The following CCNY variants were observed in gnomAD, a reference collection of about 807,000 sequenced individuals.
CCNY encodes the protein cyclin Y, also known as cyclin-Y.
Under a neutral mutation model 42.8 loss-of-function variants are expected in CCNY, and 19 were observed. The observed-to-expected ratio is 0.44, with a 90% CI of 0.31 to 0.65. CCNY has a LOEUF of 0.65. CCNY is among the 30% of genes least tolerant of loss of function. The probability of loss-of-function intolerance (pLI) is 0.07; values close to 1 mark genes in which losing one functional copy is unlikely to be tolerated. For synonymous variants in CCNY, 165 were observed against 162.7 expected (o/e 1.01, Z -0.11); for missense variants, 370 against 437.3 (o/e 0.85, Z 1.37).
At chr10:35,291,382 G>C (rs1835411602) in intron 3 of CCNY, among the ~76,000 whole-genome samples, 2 of 151,994 alleles carry the variant, frequency 1.3e-5, no homozygotes, top group African/African-American at 4.8e-5. Flanking sequence ...AGCATTATTA[G>C]TACATTATTT....
At chr10:35,308,667 G>C (rs1446469722) in intron 3 of CCNY, among the ~76,000 whole-genome samples, 1 of 152,130 alleles carries the variant, frequency 6.6e-6, no homozygotes, top group Non-Finnish European at 1.5e-5. Flanking sequence ...GCATCTGTGG[G>C]GGAGCCTGAG....
chr10:35,569,084 A>G lies in CCNY; in HGVS notation c.940A>G (p.Lys314Glu), dbSNP rs761914460. ...CTCTCGCCTCTGCGAGGACAAGTAC[A>G]AGGACCTAAGAAGATCCGCGAGGAA... is the stretch of plus-strand genomic sequence containing the variant. ...AISRLCEDKY[K>E]DLRRSARKRS... Residue 314 changes from lysine (K) to glutamate (E), a missense_variant, in exon 10 of 10, where the codon AAG becomes GAG. By Grantham distance (56) the Lys-to-Glu change is moderately conservative. Around this residue, in one of 2 missense-constraint regions of CCNY, gnomAD observed 234 missense variants for 313.1 expected, o/e 0.75. Transcript: ENST00000374704. 6.2e-6 allele frequency: 10 copies of G among 1,613,202 alleles called. No individual in the cohort carries two copies. The highest frequency in any genetic ancestry group is 1.6e-4 in the Middle Eastern group (1 of 6,062).
chr10:35,501,025 G>T lies in CCNY; in HGVS notation c.230-476G>T, dbSNP rs185831331. 6.6e-5 allele frequency among the ~76,000 whole-genome samples: 10 copies of T among 152,290 alleles called. No individual in the cohort carries two copies. The East Asian group carries it at 1.9e-3, about 29-fold the overall frequency. Reference sequence around the variant, plus strand: ...AGCATGGAGAATAATGGGTTTCCATGATAAGTAATGCTGCTGATGTACATC... The same window carrying T: ...AGCATGGAGAATAATGGGTTTCCATTATAAGTAATGCTGCTGATGTACATC... On this transcript the variant is annotated intron_variant, in intron 2 of 9. Coordinates refer to ENST00000374704, the MANE Select transcript of CCNY (RefSeq NM_145012.6).
intron 3 of CCNY, among the ~76,000 whole-genome samples, chr10:35,309,798 CTTAT>C (rs1050780203): frequency 4.6e-5 from 7 of 151,732 alleles, no homozygotes; most frequent in Non-Finnish European, 7.4e-5. Context: ...GTGTTATTTA[CTTAT>C]TTATTTATTT....
intron 8 of CCNY, among the ~76,000 whole-genome samples, chr10:35,562,786 C>A (rs1841491971): frequency 6.6e-6 from 1 of 152,058 alleles, no homozygotes; most frequent in South Asian, 2.1e-4. Flanking sequence ...TATGCAGATA[C>A]CTTTTCAAGA....
At chr10:35,449,273 A>G (rs1339507094) in intron 1 of CCNY, among the ~76,000 whole-genome samples, 2 of 71,416 alleles carry the variant, frequency 2.8e-5, no homozygotes, top group African/African-American at 1.1e-4. Flanking sequence ...GAGGAGGGGC[A>G]GAGATAGGGG....
At chr10:35,317,815 C>A (rs898959112) in intron 3 of CCNY, among the ~76,000 whole-genome samples, 1 of 152,060 alleles carries the variant, frequency 6.6e-6, no homozygotes, top group Non-Finnish European at 1.5e-5. Flanking sequence ...TAGGTGAGCA[C>A]CGTTTGGAGG....
chr10:35,359,201 G>C (rs1219694177), intron 1 of CCNY, among the ~76,000 whole-genome samples: 1 of 152,152 alleles, frequency 6.6e-6, no homozygotes, highest in Non-Finnish European at 1.5e-5. Context: ...CTCCCCAGCT[G>C]TTTTGCCTCC....
Position 35,405,523 on chromosome 10 carries a change from G to A in CCNY, c.154+68316G>A, listed in dbSNP as rs1475204674. On this transcript the variant is annotated intron_variant, in intron 1 of 9. Coordinates refer to ENST00000374704, the MANE Select transcript of CCNY (RefSeq NM_145012.6). The stretch of plus-strand genomic sequence containing the variant: ...CCGGGCAGGTGGGGATAACTAAAAA[G>A]GAGTGCATAAAAGAATATTGTCCAA... Among the ~76,000 whole-genome samples, 5 of 152,172 alleles carry A rather than the reference G, an allele frequency of 3.3e-5. No individual in the cohort carries two copies. The East Asian group carries it at 7.7e-4, about 23-fold the overall frequency.
At chr10:35,299,859 TTGAG>T (rs1246357257) in intron 3 of CCNY, among the ~76,000 whole-genome samples, 3 of 152,246 alleles carry the variant, frequency 2.0e-5, no homozygotes, top group Non-Finnish European at 4.4e-5. Context: ...TTTGGATTAG[TTGAG>T]TATTTTTCAG....
Position 35,393,811 on chromosome 10 carries a change from G to A in CCNY, c.154+56604G>A, listed in dbSNP as rs189777722. Among the ~76,000 whole-genome samples, 219 of 151,704 alleles carry A rather than the reference G, an allele frequency of 1.4e-3. 1 individual carries two copies. Among genetic ancestry groups the A allele is most frequent in the Non-Finnish European group, 2.2e-3 (152 of 67,886 alleles). ...GACTGTTAAAGCAGTGTGTGGGCAC[G>A]GTGGCACGCACCTGTAGTTCTAGCC... On this transcript the variant is annotated intron_variant, in intron 1 of 9. Transcript: ENST00000374704.
Position 35,569,112 on chromosome 10 carries a change from G to A in CCNY, c.968G>A (p.Arg323His), listed in dbSNP as rs1156497520. The change falls in exon 10 of 10, where the codon CGC becomes CAC. Residue 323 changes from arginine (R) to histidine (H), a missense_variant. Arg to His is a conservative substitution (Grantham distance 29). Transcript: ENST00000374704. ...GACCTAAGAAGATCCGCGAGGAAGC[G>A]CTCAGCCAGTGCAGACAACCTGACT... ...YKDLRRSARK[R>H]SASADNLTLP... 14 of 1,612,812 alleles carry A rather than the reference G, an allele frequency of 8.7e-6. No homozygotes were observed. The highest frequency in any genetic ancestry group is 2.7e-5 in the African/African-American group (2 of 74,952).
intron 3 of CCNY, among the ~76,000 whole-genome samples, chr10:35,265,213 C>T (rs58119441): frequency 0.026 from 3,943 of 152,224 alleles, 161 homozygotes; most frequent in African/African-American, 0.085. Context: ...CACAATCAAA[C>T]GACTAGGAAT....
chr10:35,274,021 C>T (rs1835206149), intron 3 of CCNY, among the ~76,000 whole-genome samples: 1 of 152,132 alleles, frequency 6.6e-6, no homozygotes, highest in South Asian at 2.1e-4. Flanking sequence ...GAAGGACTTG[C>T]CATGTGTATT....
intron 3 of CCNY, among the ~76,000 whole-genome samples, chr10:35,502,664 C>T (rs984371470): frequency 2.0e-5 from 3 of 151,864 alleles, no homozygotes; most frequent in African/African-American, 4.8e-5. Flanking sequence ...CCTTTTCCCT[C>T]GGCCCCTTAA....
intron 3 of CCNY, among the ~76,000 whole-genome samples, chr10:35,309,725 A>G (rs766319559): frequency 5.9e-5 from 9 of 152,048 alleles, no homozygotes; most frequent in Non-Finnish European, 1.0e-4. Context: ...CCAACCTCCA[A>G]GTCTTTGTTA....
At chr10:35,300,419 G>T (rs530152340) in intron 3 of CCNY, among the ~76,000 whole-genome samples, 3 of 152,144 alleles carry the variant, frequency 2.0e-5, no homozygotes, top group Admixed American at 6.6e-5. Flanking sequence ...TCTCTCGGGG[G>T]TTACAGTTCT....
At chr10:35,429,098 C>T (rs1475308655) in intron 1 of CCNY, among the ~76,000 whole-genome samples, 1 of 152,176 alleles carries the variant, frequency 6.6e-6, no homozygotes, top group African/African-American at 2.4e-5. Flanking sequence ...CTTACCAGGT[C>T]CTAGCAGTCT....
chr10:35,315,054 C>T (rs1279797837), intron 3 of CCNY: 4 of 152,188 alleles, frequency 2.6e-5, no homozygotes. Context: ...GCACTCCAGC[C>T]TGGGCAACAA....
Sources: gnomAD v4.1 joint callset for allele counts (sites outside exome capture counted in the v4.1 genomes callset) on GRCh38, gnomAD v4.1.1 for gene constraint, gnomAD v4.1.1 regional missense constraint, MANE v1.5 for transcripts, NCBI Gene and HGNC (gene_info 2026-07-23, HGNC 2026-07-21) for gene names.